The following EFCAB5 variants were observed in gnomAD, a reference collection of about 807,000 sequenced individuals.
The protein encoded by EFCAB5 is EF-hand calcium binding domain 5.
EFCAB5 carries 131 observed loss-of-function variants against 167.9 expected under a neutral mutation model. The ratio of observed to expected loss-of-function variants is 0.78; its 90% CI spans 0.68 to 0.90. EFCAB5 has a LOEUF of 0.90. Among genes scored for constraint, EFCAB5 ranks in the 40% least tolerant of loss-of-function variants. EFCAB5 has a pLI of 0.00. For missense variants in EFCAB5, 1,663 were observed against 1,745.2 expected (o/e 0.95, Z 0.84); for synonymous variants, 574 against 602.8 (o/e 0.95, Z 0.70).
At chr17:29,977,462 CTAGA>C (rs1456588913) in intron 4 of EFCAB5, among the ~76,000 whole-genome samples, 1 of 152,056 alleles carries the variant, frequency 6.6e-6, no homozygotes, top group Admixed American at 6.6e-5. Context: ...CCATAATAAC[CTAGA>C]ATGAGTTCAA....
intron 14 of EFCAB5, among the ~76,000 whole-genome samples, chr17:30,064,808 CAT>C (rs2151805706): frequency 6.6e-6 from 1 of 152,270 alleles, no homozygotes; most frequent in East Asian, 1.9e-4. Context: ...AGAAAAGTCA[CAT>C]AGAAGGGAAT....
intron 4 of EFCAB5, among the ~76,000 whole-genome samples, chr17:29,988,432 T>C (rs1275470893): frequency 6.6e-6 from 1 of 152,200 alleles, no homozygotes. Context: ...GCTCCACTTT[T>C]TGAGCTGAAG....
chr17:30,008,199 A>G (rs1294687206), intron 7 of EFCAB5, among the ~76,000 whole-genome samples: 1 of 152,220 alleles, frequency 6.6e-6, no homozygotes, highest in Non-Finnish European at 1.5e-5. Context: ...GGAATAGCAG[A>G]TACATTAAAT....
chr17:30,033,196 A>G (rs991705053), intron 7 of EFCAB5, among the ~76,000 whole-genome samples: 3 of 151,606 alleles, frequency 2.0e-5, no homozygotes, highest in African/African-American at 7.3e-5. Context: ...CTCCTGCCTC[A>G]GCTTCCCGAG....
intron 14 of EFCAB5, among the ~76,000 whole-genome samples, chr17:30,061,601 G>A (rs2070428152): frequency 6.6e-6 from 1 of 152,094 alleles, no homozygotes; most frequent in South Asian, 2.1e-4. Flanking sequence ...TTAGAGACAA[G>A]GTCTCACTCT....
intron 7 of EFCAB5, among the ~76,000 whole-genome samples, chr17:30,015,316 C>G (rs868715226): frequency 2.6e-5 from 4 of 152,268 alleles, no homozygotes; most frequent in African/African-American, 9.6e-5. Flanking sequence ...GTGGTGTTCT[C>G]TGTATTTCCT....
chr17:30,013,671 C>G (rs1381605505), intron 7 of EFCAB5, among the ~76,000 whole-genome samples: 1 of 151,892 alleles, frequency 6.6e-6, no homozygotes, highest in Admixed American at 6.6e-5. Context: ...TTTTTTATTG[C>G]GTCTATTTGA....
At chr17:30,025,836 G>A (rs1455866270) in intron 7 of EFCAB5, among the ~76,000 whole-genome samples, 1 of 152,114 alleles carries the variant, frequency 6.6e-6, no homozygotes, top group Non-Finnish European at 1.5e-5. Flanking sequence ...ATACTATGCA[G>A]CCATAAAAAA....
In EFCAB5 at chr17:30,003,834, T is replaced by G. The variant is rs144771237; in HGVS notation, c.1044+3858T>G. On this transcript the variant is annotated intron_variant, in intron 7 of 22. Coordinates refer to ENST00000394835, the MANE Select transcript of EFCAB5 (RefSeq NM_198529.4). ...AAATTTTCTCATTCAAGTTGAGATT[T>G]TCCTAGTTCCTCATACAATATGTGA... Among the ~76,000 whole-genome samples the G allele has an allele frequency of 2.9e-3, 438 of 152,306 alleles. 5 individuals carry two copies. The highest frequency in any genetic ancestry group is 7.6e-4 in the Non-Finnish European group (52 of 68,016).
intron 7 of EFCAB5, among the ~76,000 whole-genome samples, chr17:30,014,459 A>C (rs1022278346): frequency 6.6e-6 from 1 of 152,052 alleles, no homozygotes; most frequent in Non-Finnish European, 1.5e-5. Flanking sequence ...GTCTCTAAGG[A>C]CTTGCTTTAT....
intron 4 of EFCAB5, among the ~76,000 whole-genome samples, chr17:29,972,291 C>T (rs891907353): frequency 1.3e-5 from 2 of 151,092 alleles, no homozygotes; most frequent in East Asian, 1.9e-4. Flanking sequence ...CCTCGTGATC[C>T]GCCCGCCTCG....
intron 8 of EFCAB5, among the ~76,000 whole-genome samples, chr17:30,039,280 C>T (rs1313291369): frequency 6.6e-6 from 1 of 152,148 alleles, no homozygotes; most frequent in Non-Finnish European, 1.5e-5. Flanking sequence ...AAGCAAGTGC[C>T]GTTATCATCA....
At chr17:30,057,290 G>C (rs1190909329) in intron 12 of EFCAB5, among the ~76,000 whole-genome samples, 1 of 152,174 alleles carries the variant, frequency 6.6e-6, no homozygotes, top group Non-Finnish European at 1.5e-5. Flanking sequence ...GGCCATGAAA[G>C]CATCTCTAAG....
At chr17:30,097,587 A>G (rs1049521050) in intron 22 of EFCAB5, among the ~76,000 whole-genome samples, 2 of 152,188 alleles carry the variant, frequency 1.3e-5, no homozygotes, top group African/African-American at 4.8e-5. Flanking sequence ...CTGATTATAA[A>G]TGAAGATTTT....
In EFCAB5 at chr17:30,078,318, G is replaced by A. The variant is rs937253634; in HGVS notation, c.2841G>A (p.Arg947=). 2 of 1,613,850 alleles carry A rather than the reference G, an allele frequency of 1.2e-6. No individual in the cohort carries two copies. The highest frequency in any genetic ancestry group is 1.3e-5 in the African/African-American group (1 of 74,894). ...TAGAATTGGTTGTGTCTGAACTCAG[G>A]GGCAATGAAGACCAAGTTCTGGAAA... ...NYIELVVSEL[R]GNEDQVLESV... The change falls in exon 15 of 23, where the codon AGG becomes AGA. Residue 947 remains arginine (R), a synonymous_variant. Transcript: ENST00000394835.
chr17:30,092,163 T>G lies in EFCAB5; in HGVS notation c.4224+6T>G. The stretch of plus-strand genomic sequence containing the variant: ...GTTGGGATAAGTGTAAATTTGTAAG[T>G]TTTTTTTTAAAAAGCACCTTTTAAA... On this transcript the variant is annotated splice_donor_region_variant and intron_variant, in intron 21 of 22. Coordinates refer to ENST00000394835, the MANE Select transcript of EFCAB5 (RefSeq NM_198529.4). 1 of 1,592,842 alleles carries G rather than the reference T, an allele frequency of 6.3e-7. No homozygotes were observed. Among genetic ancestry groups the G allele is most frequent in the Non-Finnish European group, 8.5e-7 (1 of 1,170,188 alleles).
intron 7 of EFCAB5, among the ~76,000 whole-genome samples, chr17:30,028,530 A>G (rs1182077680): frequency 6.6e-6 from 1 of 152,178 alleles, no homozygotes; most frequent in African/African-American, 2.4e-5. Flanking sequence ...GAAATGAGAG[A>G]ATTTTAAGCC....
Position 30,096,870 on chromosome 17 carries a change from G to T in EFCAB5, c.4321+3934G>T, listed in dbSNP as rs2071302557. Among the ~76,000 whole-genome samples, 4 of 147,264 alleles carry T rather than the reference G, an allele frequency of 2.7e-5. No individual in the cohort carries two copies. The Admixed American group carries it at 2.7e-4, about 10-fold the overall frequency. ...AATTTTTGTATTTTTAGTAGAGACG[G>T]GGTTGCACCATGTTGACCAGGCTGG... On this transcript the variant is annotated intron_variant, in intron 22 of 22. Coordinates refer to ENST00000394835, the MANE Select transcript of EFCAB5 (RefSeq NM_198529.4).
rs1441294425 is a variant in EFCAB5, at chr17:30,092,100, C to A, written c.4167C>A (p.Phe1389Leu). The stretch of plus-strand genomic sequence containing the variant: ...ACATCCTGAAGGCGGTTATCTTGTT[C>A]TTTCATCCAGAGTTGGAATTTTCAA... ...VRDILKAVIL[F>L]FHPELEFSSD... The change falls in exon 21 of 23, where the codon TTC (phenylalanine) becomes TTA (leucine). Residue 1389 changes from phenylalanine (F) to leucine (L), a missense_variant. By Grantham distance (22) the Phe-to-Leu change is conservative. Coordinates refer to ENST00000394835, the MANE Select transcript of EFCAB5 (RefSeq NM_198529.4). 1.2e-6 allele frequency: 2 copies of A among 1,613,904 alleles called. No individual in the cohort carries two copies. Among genetic ancestry groups the A allele is most frequent in the Non-Finnish European group, 1.7e-6 (2 of 1,179,856 alleles).
Sources: allele counts gnomAD v4.1 joint callset (sites outside exome capture counted in the v4.1 genomes callset), GRCh38; gene constraint gnomAD v4.1.1; transcripts MANE v1.5; gene names NCBI Gene and HGNC (gene_info 2026-07-23, HGNC 2026-07-21).